The following CACNB4 variants were observed in gnomAD, a reference collection of about 807,000 sequenced individuals.
CACNB4 encodes voltage-dependent L-type calcium channel subunit beta-4.
A neutral mutation model predicts 71.2 loss-of-function variants in CACNB4; 32 were observed. That is an observed-to-expected ratio of 0.45 (90% confidence interval 0.34 to 0.60). The LOEUF (loss-of-function observed/expected upper bound fraction) is 0.60, where lower values mean the gene tolerates loss of function less well. Ranked by LOEUF, CACNB4 falls within the 20% of genes least tolerant of loss-of-function variation. CACNB4 has a pLI of 0.01. For synonymous variants in CACNB4, 231 were observed against 236.9 expected, an observed-to-expected ratio of 0.97 and a Z score of 0.23; for missense variants, 464 against 647.9, an observed-to-expected ratio of 0.72 and a Z score of 3.08.
chr2:151,952,929 G>A lies in CACNB4; in HGVS notation c.148-69559C>T, dbSNP rs561014298. Among the ~76,000 whole-genome samples the A allele has an allele frequency of 3.5e-4, 54 of 152,286 alleles. 2 individuals are homozygous for A. In the South Asian group the frequency reaches 0.01, roughly 29 times the overall value. On this transcript the variant is annotated intron_variant, in intron 2 of 13. Transcript: ENST00000539935. Reference sequence around the variant, plus strand: ...TCTTTGCTCATTGCTTTGCTAGCACGGTCTTCAAGCGTTCAGACTGGGCTG... The same window carrying A: ...TCTTTGCTCATTGCTTTGCTAGCACAGTCTTCAAGCGTTCAGACTGGGCTG...
intron 2 of CACNB4, among the ~76,000 whole-genome samples, chr2:152,032,227 G>A (rs912316161): frequency 1.3e-5 from 2 of 152,104 alleles, no homozygotes; most frequent in South Asian, 2.1e-4. Context: ...CCTTCCCCCC[G>A]TCCATTATCT....
chr2:152,026,929 C>T (rs957889571), intron 2 of CACNB4, among the ~76,000 whole-genome samples: 6 of 147,284 alleles, frequency 4.1e-5, no homozygotes, highest in East Asian at 3.9e-4. Context: ...TTTTTTGATA[C>T]GGAGTTTCAC....
chr2:152,065,110 T>C (rs779649607), intron 2 of CACNB4, among the ~76,000 whole-genome samples: 2 of 152,172 alleles, frequency 1.3e-5, no homozygotes. Flanking sequence ...AAACCCAGAA[T>C]AGTTCCAACT....
chr2:151,842,299 G>C (rs1338114899), intron 12 of CACNB4, among the ~76,000 whole-genome samples: 1 of 135,226 alleles, frequency 7.4e-6, no homozygotes, highest in African/African-American at 2.7e-5. Flanking sequence ...AAAAATGAAA[G>C]TGTTCATTCA....
chr2:151,975,779 C>A (rs1211527615), intron 2 of CACNB4, among the ~76,000 whole-genome samples: 1 of 152,200 alleles, frequency 6.6e-6, no homozygotes, highest in Admixed American at 6.5e-5. Flanking sequence ...CAACAGAAAA[C>A]TGAGACAAGA....
intron 7 of CACNB4, 80 bp downstream of exon 7, chr2:151,870,762 T>C: frequency 7.8e-7 from 1 of 1,288,284 alleles, no homozygotes; most frequent in South Asian, 1.2e-5. Flanking sequence ...TTATAGCCAC[T>C]TGGGTCACTG....
rs2099835177 is a variant in CACNB4 at position 151,837,649 on chromosome 2, G to A, written c.*1470C>T. 6.6e-6 allele frequency: 1 copy of A among 151,742 alleles called. No individual in the cohort carries two copies. 9.4% of individuals were successfully genotyped at this position (151,742 alleles called of 1,614,324 possible). ...TTTTTAAAGACATTTGTGTAAAAAGGGTCAATTTCAATAATTTCTTAGATC... is the reference window on the plus strand; with the variant it reads ...TTTTTAAAGACATTTGTGTAAAAAGAGTCAATTTCAATAATTTCTTAGATC... On this transcript the variant is annotated 3_prime_UTR_variant, in exon 14 of 14. Coordinates refer to ENST00000539935, the MANE Select transcript of CACNB4 (RefSeq NM_000726.5).
At chr2:152,085,147 C>G (rs573394783) in intron 2 of CACNB4, among the ~76,000 whole-genome samples, 2 of 152,042 alleles carry the variant, frequency 1.3e-5, no homozygotes, top group African/African-American at 2.4e-5. Context: ...ATGGCATGAT[C>G]AAGGGAGTGG....
intron 2 of CACNB4, among the ~76,000 whole-genome samples, chr2:152,094,207 G>A (rs1205023615): frequency 1.3e-5 from 2 of 152,222 alleles, no homozygotes; most frequent in Non-Finnish European, 2.9e-5. Context: ...AAGGTTAGAA[G>A]AGGAAGTGAA....
chr2:151,908,262 A>C (rs773640123), intron 2 of CACNB4, among the ~76,000 whole-genome samples: 1 of 152,266 alleles, frequency 6.6e-6, no homozygotes, highest in Non-Finnish European at 1.5e-5. Context: ...GGGCTTTATA[A>C]GATAGACAGT....
intron 2 of CACNB4, among the ~76,000 whole-genome samples, chr2:152,074,128 C>T (rs116002814): frequency 3.9e-3 from 600 of 152,152 alleles, no homozygotes; most frequent in Admixed American, 5.9e-3. Flanking sequence ...CTCCAGGAGG[C>T]TATGAATCCC....
rs960898976 is a variant in CACNB4, at chr2:152,023,055, T to A, written c.147+75275A>T. Among the ~76,000 whole-genome samples the A allele has an allele frequency of 2.0e-5, 3 of 148,974 alleles. No individual in the cohort carries two copies. In the East Asian group the frequency reaches 6.0e-4, roughly 30 times the overall value. ...GAAAACCTCAGGAAACTTACAATCA[T>A]GGTAGAAGGGGAAGAGGCATGTCTT... On this transcript the variant is annotated intron_variant, in intron 2 of 13. Transcript: ENST00000539935.
chr2:152,082,074 T>C (rs77792070), intron 2 of CACNB4, among the ~76,000 whole-genome samples: 17 of 152,366 alleles, frequency 1.1e-4, no homozygotes, highest in African/African-American at 4.1e-4. Context: ...GCAGGAGCTA[T>C]ACTATTCCTC....
intron 2 of CACNB4, among the ~76,000 whole-genome samples, chr2:152,068,211 G>T (rs1306647882): frequency 6.6e-6 from 1 of 152,162 alleles, no homozygotes; most frequent in Non-Finnish European, 1.5e-5. Flanking sequence ...TAATCCTCAG[G>T]TTCCTTTGAA....
intron 2 of CACNB4, among the ~76,000 whole-genome samples, chr2:152,018,157 C>T (rs181281609): frequency 3.4e-4 from 52 of 152,126 alleles, no homozygotes; most frequent in African/African-American, 1.2e-3. Context: ...TTCTAAGAAG[C>T]TATTTAGTTT....
chr2:151,913,584 T>C (rs1290396315), intron 2 of CACNB4, among the ~76,000 whole-genome samples: 1 of 151,782 alleles, frequency 6.6e-6, no homozygotes, highest in Non-Finnish European at 1.5e-5. Context: ...GCTGACATGG[T>C]GAAAACCCAT....
chr2:151,883,966 A>G (rs2099848614), intron 2 of CACNB4: 1 of 171,476 alleles, frequency 5.8e-6, no homozygotes, highest in Non-Finnish European at 1.3e-5. Context: ...GGATGAAAAC[A>G]GGGATGTTCT....
At chr2:152,001,582 A>C (rs1682417782) in intron 2 of CACNB4, among the ~76,000 whole-genome samples, 1 of 149,436 alleles carries the variant, frequency 6.7e-6, no homozygotes, top group Non-Finnish European at 1.5e-5. Flanking sequence ...GCATGGTGGC[A>C]CATGGCTATA....
At chr2:151,874,752 G>A (rs2099845530) in intron 5 of CACNB4, among the ~76,000 whole-genome samples, 1 of 152,226 alleles carries the variant, frequency 6.6e-6, no homozygotes, top group East Asian at 1.9e-4. Flanking sequence ...TCAAAAAAGT[G>A]TAACATATCA....
Sources: gnomAD v4.1 joint callset for allele counts (sites outside exome capture counted in the v4.1 genomes callset) on GRCh38, gnomAD v4.1.1 for gene constraint, MANE v1.5 for transcripts, NCBI Gene and HGNC (gene_info 2026-07-23, HGNC 2026-07-21) for gene names.